CREB5: variants seen among roughly 807,000 people sequenced by gnomAD.
CREB5 encodes cAMP responsive element binding protein 5.
Under a neutral mutation model 57.1 loss-of-function variants are expected in CREB5, and 19 were observed. That is an observed-to-expected ratio of 0.33 (90% CI 0.23 to 0.49). CREB5 has a LOEUF of 0.49. CREB5 is among the 20% of genes least tolerant of loss of function. The probability of loss-of-function intolerance (pLI) is 0.99; values close to 1 mark genes in which losing one functional copy is unlikely to be tolerated. For synonymous variants in CREB5, 238 were observed against 238.3 expected (o/e 1.00, Z 0.01); for missense variants, 579 against 671.6 (o/e 0.86, Z 1.52).
At chr7:28,445,773 G>T (rs1309695604) in intron 1 of CREB5, among the ~76,000 whole-genome samples, 3 of 151,556 alleles carry the variant, frequency 2.0e-5, no homozygotes, top group Non-Finnish European at 2.9e-5. Context: ...GGATGATCTC[G>T]ATCTTCTGAC....
intron 5 of CREB5, among the ~76,000 whole-genome samples, chr7:28,587,058 T>A (rs181173681): frequency 6.6e-6 from 1 of 152,248 alleles, no homozygotes; most frequent in East Asian, 1.9e-4. Flanking sequence ...ACAACTCAAA[T>A]GTCATTACAA....
intron 6 of CREB5, among the ~76,000 whole-genome samples, chr7:28,719,669 G>C (rs1045497930): frequency 2.0e-5 from 3 of 152,200 alleles, no homozygotes; most frequent in African/African-American, 7.2e-5. Flanking sequence ...AACTTGGCTA[G>C]GGTTACAGAG....
chr7:28,394,270 C>T (rs1181784839), intron 1 of CREB5, among the ~76,000 whole-genome samples: 1 of 150,708 alleles, frequency 6.6e-6, no homozygotes, highest in Non-Finnish European at 1.5e-5. Context: ...AGAAAGCAAA[C>T]AAAGAAAAAG....
intron 1 of CREB5, among the ~76,000 whole-genome samples, chr7:28,442,756 G>A: frequency 6.6e-6 from 1 of 152,056 alleles, no homozygotes; most frequent in Non-Finnish European, 1.5e-5. Flanking sequence ...ATTAATCACT[G>A]TAATGTTGTG....
intron 1 of CREB5, among the ~76,000 whole-genome samples, chr7:28,439,710 C>T (rs1462439705): frequency 6.6e-6 from 1 of 152,182 alleles, no homozygotes; most frequent in Non-Finnish European, 1.5e-5. Context: ...TAAGATGGCA[C>T]TTTCAAAGGT....
intron 1 of CREB5, among the ~76,000 whole-genome samples, chr7:28,474,101 G>A (rs1790952391): frequency 6.6e-6 from 1 of 152,166 alleles, no homozygotes; most frequent in African/African-American, 2.4e-5. Flanking sequence ...AAGTCTGCTG[G>A]GTGTTGGGCA....
intron 1 of CREB5, among the ~76,000 whole-genome samples, chr7:28,455,123 C>T (rs1218362052): frequency 1.3e-5 from 2 of 152,194 alleles, no homozygotes; most frequent in African/African-American, 4.8e-5. Context: ...ACATGTGAAA[C>T]CTACTTCAAG....
At chr7:28,792,325 A>C (rs1234251274) in intron 7 of CREB5, among the ~76,000 whole-genome samples, 2 of 151,716 alleles carry the variant, frequency 1.3e-5, no homozygotes, top group African/African-American at 4.8e-5. Context: ...GCCAAATAAT[A>C]AGTGTCATAT....
intron 1 of CREB5, among the ~76,000 whole-genome samples, chr7:28,454,892 G>A (rs571583383): frequency 2.0e-5 from 3 of 152,228 alleles, no homozygotes; most frequent in Non-Finnish European, 2.9e-5. Flanking sequence ...ACTGGTACCC[G>A]CTTCCACATG....
intron 1 of CREB5, among the ~76,000 whole-genome samples, chr7:28,330,324 G>T (rs1442678059): frequency 4.0e-5 from 6 of 149,856 alleles, no homozygotes. Context: ...TGAGAGGAGG[G>T]TTAAACTCTC....
At chr7:28,384,369 G>T (rs976618070) in intron 1 of CREB5, among the ~76,000 whole-genome samples, 3 of 152,142 alleles carry the variant, frequency 2.0e-5, no homozygotes, top group Non-Finnish European at 4.4e-5. Flanking sequence ...AATAGTGTCT[G>T]TATTAGTTTC....
chr7:28,560,873 C>CGT lies in CREB5; in HGVS notation c.292-9491_292-9490insTG, dbSNP rs1219079270. ...GTGTGTGTGTGCGTGTGCCTGCGTG[C>CGT]GCGTGCGTGCGTGCGTGTGTGTGCG... On this transcript the variant is annotated intron_variant, in intron 4 of 10. Transcript: ENST00000357727. Among the ~76,000 whole-genome samples, 99 of 22,090 alleles carry CGT rather than the reference C, an allele frequency of 4.5e-3. 5 individuals carry two copies. The East Asian group carries it at 0.07, about 16-fold the overall frequency. The allele number at this position is 22,090 out of a possible 152,430, so 14.5% of individuals were successfully genotyped here.
At chr7:28,553,946 C>G (rs1203401994) in intron 4 of CREB5, among the ~76,000 whole-genome samples, 2 of 152,140 alleles carry the variant, frequency 1.3e-5, no homozygotes, top group Non-Finnish European at 2.9e-5. Context: ...ATTCCTTTCC[C>G]TTCACTCCAG....
At chr7:28,596,000 G>A (rs1380163494) in intron 5 of CREB5, among the ~76,000 whole-genome samples, 2 of 152,166 alleles carry the variant, frequency 1.3e-5, no homozygotes, top group Admixed American at 6.5e-5. Context: ...TAGCACTCTA[G>A]GCCGAGACCT....
intron 5 of CREB5, among the ~76,000 whole-genome samples, chr7:28,640,513 C>T (rs1798610728): frequency 6.6e-6 from 1 of 152,310 alleles, no homozygotes; most frequent in East Asian, 1.9e-4. Context: ...ATTTCTATCA[C>T]ATGACTGCTT....
upstream of CREB5, chr7:28,410,175 G>C: frequency 2.3e-6 from 1 of 438,380 alleles, no homozygotes. Context: ...GGGGAGGGGA[G>C]GTCGCCCTCG....
intron 4 of CREB5, among the ~76,000 whole-genome samples, chr7:28,546,049 C>T (rs546134435): frequency 6.6e-6 from 1 of 152,280 alleles, no homozygotes; most frequent in East Asian, 1.9e-4. Context: ...CACTCCCCGT[C>T]CCCATCCCCT....
intron 1 of CREB5, among the ~76,000 whole-genome samples, chr7:28,301,005 T>C (rs1785089930): frequency 6.6e-6 from 1 of 152,176 alleles, no homozygotes; most frequent in Non-Finnish European, 1.5e-5. Flanking sequence ...TATTTAGAAA[T>C]TTAAGAACCA....
intron 1 of CREB5, among the ~76,000 whole-genome samples, chr7:28,356,359 A>G (rs921782090): frequency 1.3e-5 from 2 of 152,240 alleles, no homozygotes; most frequent in Non-Finnish European, 2.9e-5. Flanking sequence ...GTGTGCATAC[A>G]TGGGTTTGTG....
Sources: gnomAD v4.1 joint callset for allele counts (sites outside exome capture counted in the v4.1 genomes callset) on GRCh38, gnomAD v4.1.1 for gene constraint, MANE v1.5 for transcripts, NCBI Gene and HGNC (gene_info 2026-07-23, HGNC 2026-07-21) for gene names.